GHR: variants seen among roughly 807,000 people sequenced by gnomAD.
The protein encoded by GHR is growth hormone receptor.
Under a neutral mutation model 67.1 loss-of-function variants are expected in GHR, and 35 were observed. The observed-to-expected ratio is 0.52, with a 90% CI of 0.40 to 0.69. The LOEUF is 0.69. Among genes scored for constraint, GHR ranks in the 30% least tolerant of loss-of-function variants. The pLI is 0.00. For missense variants in GHR, 792 were observed against 764.6 expected (o/e 1.04, Z -0.42); for synonymous variants, 272 against 269.1 (o/e 1.01, Z -0.10).
chr5:42,679,438 A>G (rs1756747180), intron 3 of GHR, among the ~76,000 whole-genome samples: 1 of 151,800 alleles, frequency 6.6e-6, no homozygotes, highest in East Asian at 1.9e-4. Context: ...CATCCTGGCC[A>G]ACATGGTGAA....
intron 1 of GHR, among the ~76,000 whole-genome samples, chr5:42,525,349 C>T (rs528083254): frequency 3.5e-4 from 53 of 152,304 alleles, no homozygotes; most frequent in South Asian, 1.2e-3. Context: ...GACTGCCCTG[C>T]GGCATTTCAG....
chr5:42,433,624 A>G (rs142490118), intron 1 of GHR, among the ~76,000 whole-genome samples: 185 of 152,230 alleles, frequency 1.2e-3, no homozygotes, highest in African/African-American at 4.3e-3. Context: ...ATTAGAGACT[A>G]TAAATGCTAC....
rs1323994255 is a variant in GHR at position 42,478,716 on chromosome 5, A to G, written c.-12+54761A>G. On this transcript the variant is annotated intron_variant, in intron 1 of 9. Coordinates refer to ENST00000230882, the MANE Select transcript of GHR (RefSeq NM_000163.5). Reference sequence around the variant, plus strand: ...TTGTTGGTGTATAAGAATGCTTGTGATTTTTGCATATTGATTTTGTATCCT... The same window carrying G: ...TTGTTGGTGTATAAGAATGCTTGTGGTTTTTGCATATTGATTTTGTATCCT... 2.0e-5 allele frequency among the ~76,000 whole-genome samples: 3 copies of G among 152,060 alleles called. 1 individual carries two copies. The South Asian group carries it at 6.2e-4, about 32-fold the overall frequency.
At chr5:42,554,660 T>A (rs921390038) in intron 1 of GHR, among the ~76,000 whole-genome samples, 1 of 152,034 alleles carries the variant, frequency 6.6e-6, no homozygotes, top group East Asian at 1.9e-4. Context: ...ACTAGCCACA[T>A]GTAGCTATTA....
chr5:42,605,401 C>T lies in GHR; in HGVS notation c.71-23637C>T, dbSNP rs545279777. ...GATTATAGATGAGAGCCACCGCGCC[C>T]GGCCTGGGGTGCCTCTTAAACTTTT... On this transcript the variant is annotated intron_variant, in intron 2 of 9. Coordinates refer to ENST00000230882, the MANE Select transcript of GHR (RefSeq NM_000163.5). Among the ~76,000 whole-genome samples, 13 of 152,118 alleles carry T rather than the reference C, an allele frequency of 8.5e-5. No homozygotes were observed. In the East Asian group the frequency reaches 9.7e-4, roughly 11 times the overall value.
chr5:42,485,459 G>T (rs1221583962), intron 1 of GHR, among the ~76,000 whole-genome samples: 1 of 151,858 alleles, frequency 6.6e-6, no homozygotes, highest in East Asian at 1.9e-4. Flanking sequence ...CCCCTTCTTT[G>T]CTCTTTGATT....
chr5:42,558,597 T>C (rs1749436789), intron 1 of GHR, among the ~76,000 whole-genome samples: 1 of 152,256 alleles, frequency 6.6e-6, no homozygotes, highest in Non-Finnish European at 1.5e-5. Context: ...TCTAGATACA[T>C]AAATACTTAA....
chr5:42,618,889 A>T (rs1753301157), intron 2 of GHR, among the ~76,000 whole-genome samples: 1 of 152,108 alleles, frequency 6.6e-6, no homozygotes, highest in Non-Finnish European at 1.5e-5. Context: ...GAGAGAAATG[A>T]ACCCTGGGGC....
chr5:42,474,623 AC>A, intron 1 of GHR, among the ~76,000 whole-genome samples: 1 of 152,294 alleles, frequency 6.6e-6, no homozygotes, highest in African/African-American at 2.4e-5. Flanking sequence ...AACAACAACA[AC>A]AACAAAAAAA....
chr5:42,636,556 G>C (rs1754205223), intron 3 of GHR, among the ~76,000 whole-genome samples: 1 of 152,026 alleles, frequency 6.6e-6, no homozygotes, highest in South Asian at 2.1e-4. Context: ...GCTCCCGAGA[G>C]AGCCCTAGCT....
chr5:42,456,454 A>C (rs2112024555), intron 1 of GHR, among the ~76,000 whole-genome samples: 1 of 152,356 alleles, frequency 6.6e-6, no homozygotes, highest in Admixed American at 6.5e-5. Flanking sequence ...TCTAATTATA[A>C]ATCTATAGGT....
intron 1 of GHR, among the ~76,000 whole-genome samples, chr5:42,543,866 C>T (rs1748621590): frequency 6.6e-6 from 1 of 152,024 alleles, no homozygotes; most frequent in Admixed American, 6.6e-5. Context: ...ATCTGCCCTC[C>T]AAGGCTCGTA....
At chr5:42,545,011 C>G (rs1748677800) in intron 1 of GHR, among the ~76,000 whole-genome samples, 1 of 152,102 alleles carries the variant, frequency 6.6e-6, no homozygotes, top group Non-Finnish European at 1.5e-5. Context: ...TGGAGATTTA[C>G]TGTAATGATA....
intron 2 of GHR, among the ~76,000 whole-genome samples, chr5:42,608,995 A>G (rs1010986825): frequency 3.9e-5 from 6 of 152,188 alleles, no homozygotes; most frequent in African/African-American, 1.4e-4. Flanking sequence ...GTGACAAAGT[A>G]AGTTTTCAGT....
intron 1 of GHR, among the ~76,000 whole-genome samples, chr5:42,452,573 G>T (rs1030381607): frequency 6.6e-6 from 1 of 152,000 alleles, no homozygotes; most frequent in Non-Finnish European, 1.5e-5. Context: ...CCCAAATTTC[G>T]TGGAAACTTT....
At position 42,700,003 on chromosome 5, in the gene GHR, G is replaced by A; in HGVS notation, c.618+1G>A. The A allele has an allele frequency of 1.3e-6, 2 of 1,567,286 alleles. No individual in the cohort carries two copies. The highest frequency in any genetic ancestry group is 1.8e-6 in the Non-Finnish European group (2 of 1,137,808). On this transcript the variant is annotated splice_donor_variant, in intron 6 of 9. Coordinates refer to ENST00000230882, the MANE Select transcript of GHR (RefSeq NM_000163.5). LOFTEE classifies it high-confidence loss of function. ...AGTAAATGAAACTAAATGGAAAATG[G>A]TAAGATGTTGCTACACCTTACACTT...
chr5:42,447,676 TCTCCCTCC>T (rs1177610703), intron 1 of GHR, among the ~76,000 whole-genome samples: 13 of 144,294 alleles, frequency 9.0e-5, no homozygotes, highest in Non-Finnish European at 1.5e-4. Flanking sequence ...TTCCTTGTTT[TCTCCCTCC>T]CTCCCTCCCT....
intron 2 of GHR, among the ~76,000 whole-genome samples, chr5:42,618,460 C>T (rs1753279079): frequency 2.0e-5 from 3 of 152,036 alleles, no homozygotes; most frequent in African/African-American, 7.2e-5. Flanking sequence ...AGAGAGTAAA[C>T]ATATTACAGA....
intron 2 of GHR, among the ~76,000 whole-genome samples, chr5:42,566,311 G>A (rs1253504149): frequency 6.6e-6 from 1 of 152,174 alleles, no homozygotes; most frequent in Non-Finnish European, 1.5e-5. Flanking sequence ...CTGTGACTAA[G>A]GATATCTAAT....
Sources: allele counts gnomAD v4.1 joint callset (sites outside exome capture counted in the v4.1 genomes callset), GRCh38; gene constraint gnomAD v4.1.1; transcripts MANE v1.5; gene names NCBI Gene and HGNC (gene_info 2026-07-23, HGNC 2026-07-21).